Variants in BSN observed in about 807,000 individuals in gnomAD.
The protein encoded by BSN is bassoon presynaptic cytomatrix protein, also known as protein bassoon.
A neutral mutation model predicts 264.8 loss-of-function variants in BSN; 57 were observed. The ratio of observed to expected loss-of-function variants is 0.22; its 90% confidence interval spans 0.17 to 0.27. The LOEUF (loss-of-function observed/expected upper bound fraction) is 0.27, where lower values mean the gene tolerates loss of function less well. Among genes scored for constraint, BSN ranks in the 10% least tolerant of loss-of-function variants. The pLI, the probability that BSN is intolerant of heterozygous loss-of-function variation, is 1.00. For missense variants in BSN, 4,615 were observed against 5,232.5 expected (o/e 0.88, Z 3.64); for synonymous variants, 2,059 against 2,137.3 (o/e 0.96, Z 1.01).
chr3:49,570,104 A>G (rs570109332), intron 1 of BSN, among the ~76,000 whole-genome samples: 1 of 152,336 alleles, frequency 6.6e-6, no homozygotes, highest in East Asian at 1.9e-4. Context: ...ACAGACTGGA[A>G]TAGGACTTTC....
chr3:49,562,852 T>TG (rs1250461422), intron 1 of BSN, among the ~76,000 whole-genome samples: 1 of 152,168 alleles, frequency 6.6e-6, no homozygotes, highest in African/African-American at 2.4e-5. Flanking sequence ...GCATGCTGGC[T>TG]GGGGGTCAGA....
chr3:49,573,724 C>T (rs1345632364), intron 1 of BSN, among the ~76,000 whole-genome samples: 3 of 149,250 alleles, frequency 2.0e-5, no homozygotes, highest in African/African-American at 7.4e-5. Flanking sequence ...ATGGCGCAAT[C>T]TTGGCTCACC....
chr3:49,664,310 C>G (rs2052692288), intron 8 of BSN, 113 bp from the exon 9 acceptor site: 1 of 1,404,384 alleles, frequency 7.1e-7, no homozygotes, highest in East Asian at 2.3e-5. Context: ...CTCCTTCTCA[C>G]CTTCCCACCT....
chr3:49,575,781 C>T (rs1575427227), intron 1 of BSN, among the ~76,000 whole-genome samples: 3 of 151,460 alleles, frequency 2.0e-5, no homozygotes, highest in South Asian at 2.1e-4. Context: ...AGTCCATCTC[C>T]ACCTTGGGTC....
chr3:49,641,600 A>C (rs1410894842), intron 2 of BSN: 2 of 152,188 alleles, frequency 1.3e-5, no homozygotes, highest in African/African-American at 4.8e-5. Flanking sequence ...AAAAAATTCT[A>C]CTTAACATCA....
intron 2 of BSN, among the ~76,000 whole-genome samples, chr3:49,639,199 C>CTTTTTTTT (rs71631022): frequency 7.5e-6 from 1 of 133,872 alleles, no homozygotes; most frequent in Non-Finnish European, 1.6e-5. Context: ...CTTTCTTTTT[C>CTTTTTTTT]TTTTTTTTTT....
chr3:49,571,292 G>T (rs1470422749), intron 1 of BSN, among the ~76,000 whole-genome samples: 1 of 152,156 alleles, frequency 6.6e-6, no homozygotes, highest in Non-Finnish European at 1.5e-5. Context: ...GGACAGGGAA[G>T]AGGAGCCTGG....
Position 49,653,609 on chromosome 3 carries a change from G to T in BSN, c.4053G>T (p.Gln1351His). ...RVTQHFAKETQDPLKLHSSPA... is the reference protein window; with the variant it reads ...RVTQHFAKETHDPLKLHSSPA... The stretch of plus-strand genomic sequence containing the variant: ...CTCAGCATTTTGCAAAGGAGACTCA[G>T]GACCCCCTCAAGCTGCACAGCTCTC... Residue 1351 changes from glutamine (Q) to histidine (H), a missense_variant, in exon 5 of 12, where the codon CAG (glutamine) becomes CAT (histidine). Physicochemically the swap from Gln to His is conservative, Grantham distance 24. Transcript: ENST00000296452. This position sits in a 1 kb window ranked among gnomAD's most constrained non-coding sequence, Gnocchi z 6.3. 6.2e-7 allele frequency: 1 copy of T among 1,613,736 alleles called. No individual in the cohort carries two copies. The highest frequency in any genetic ancestry group is 2.2e-5 in the East Asian group (1 of 44,854).
chr3:49,656,715 C>G lies in BSN; in HGVS notation c.7159C>G (p.Gln2387Glu). Residue 2387 changes from glutamine to glutamate, a missense_variant, in exon 5 of 12, where the codon CAA (glutamine) becomes GAA (glutamate). Gln to Glu is a conservative substitution (Grantham distance 29, BLOSUM62 2). This residue lies in a region of BSN where 3,415 missense variants were observed against 3,866.4 expected (regional missense o/e 0.88). Coordinates refer to ENST00000296452, the MANE Select transcript of BSN (RefSeq NM_003458.4). ...RERVELEKLRQLRLQEELERE... is the reference protein window; with the variant it reads ...RERVELEKLRELRLQEELERE... ...GCGGGTGGAGTTGGAGAAGCTGCGA[C>G]AACTTCGGCTGCAAGAGGAGCTAGA... 1.3e-6 allele frequency: 2 copies of G among 1,579,908 alleles called. No homozygotes were observed. The highest frequency in any genetic ancestry group is 1.7e-6 in the Non-Finnish European group (2 of 1,162,422).
intron 3 of BSN, among the ~76,000 whole-genome samples, chr3:49,644,046 G>A (rs1262973883): frequency 6.6e-6 from 1 of 152,186 alleles, no homozygotes; most frequent in Non-Finnish European, 1.5e-5. Context: ...CCTCAGTCCT[G>A]TGGCCCACTC....
In BSN at chr3:49,576,406, TTTTTTTC is replaced by T. The variant is rs535594939; in HGVS notation, c.224+21601_224+21607del. Among the ~76,000 whole-genome samples, 493 of 151,942 alleles carry T rather than the reference TTTTTTTC, an allele frequency of 3.2e-3. 2 individuals carry two copies. Among genetic ancestry groups the T allele is most frequent in the Non-Finnish European group, 5.5e-3 (371 of 67,946 alleles). On this transcript the variant is annotated intron_variant, in intron 1 of 11. Transcript: ENST00000296452. ...TAAGAGGTGTGAATTCACTTTTCTT[TTTTTTTC>T]TTTTTTCTTTTTTCTTTTTTTTTTT...
chr3:49,633,309 A>G (rs1286304774), intron 2 of BSN, among the ~76,000 whole-genome samples: 1 of 151,878 alleles, frequency 6.6e-6, no homozygotes, highest in Non-Finnish European at 1.5e-5. Flanking sequence ...CTCAAAAAAA[A>G]AAAAAAGAAA....
At chr3:49,603,633 A>T (rs1247939763) in intron 1 of BSN, among the ~76,000 whole-genome samples, 1 of 152,160 alleles carries the variant, frequency 6.6e-6, no homozygotes, top group African/African-American at 2.4e-5. Flanking sequence ...CAAGGTGAGG[A>T]TCTCTGCAGT....
chr3:49,619,525 G>A (rs2052287937), intron 1 of BSN, among the ~76,000 whole-genome samples: 1 of 152,190 alleles, frequency 6.6e-6, no homozygotes, highest in Non-Finnish European at 1.5e-5. Context: ...GGCTTTGTAT[G>A]TTACTTAACT....
chr3:49,606,181 A>ATATTATATATG (rs2052141166), intron 1 of BSN, among the ~76,000 whole-genome samples: 1 of 6,806 alleles, frequency 1.5e-4, no homozygotes, highest in Non-Finnish European at 2.5e-4. Flanking sequence ...TTATATATGT[A>ATATTATATATG]TATATATTAT....
intron 1 of BSN, among the ~76,000 whole-genome samples, chr3:49,586,525 G>A (rs2051939452): frequency 6.6e-6 from 1 of 152,172 alleles, no homozygotes; most frequent in Non-Finnish European, 1.5e-5. Context: ...ATTTTCAGTA[G>A]AGACAGGGTT....
At chr3:49,635,390 G>C (rs1039814708) in intron 2 of BSN, among the ~76,000 whole-genome samples, 6 of 152,122 alleles carry the variant, frequency 3.9e-5, no homozygotes, top group Admixed American at 2.0e-4. Context: ...TATCTGAGCA[G>C]TAGTGGGGAG....
chr3:49,652,134 G>A lies in BSN; in HGVS notation c.2578G>A (p.Asp860Asn), dbSNP rs1000724066. 6 of 1,614,042 alleles carry A rather than the reference G, an allele frequency of 3.7e-6. No individual in the cohort carries two copies. The highest frequency in any genetic ancestry group is 5.1e-6 in the Non-Finnish European group (6 of 1,179,924). Residue 860 changes from aspartate to asparagine, a missense_variant, in exon 5 of 12, where the codon GAT (aspartate) becomes AAT (asparagine). Asp to Asn is a conservative substitution (Grantham distance 23). This residue lies in a region of BSN where 1,197 missense variants were observed against 1,348.0 expected (regional missense o/e 0.89). Coordinates refer to ENST00000296452, the MANE Select transcript of BSN (RefSeq NM_003458.4). ...MSAEEDNLEEDDTATSGRGLA... is the reference protein window; with the variant it reads ...MSAEEDNLEENDTATSGRGLA... ...CGCCGAGGAAGACAACCTGGAGGAG[G>A]ATGACACTGCCACCTCCGGGCGTGG... is the stretch of plus-strand genomic sequence containing the variant.
intron 1 of BSN, among the ~76,000 whole-genome samples, chr3:49,591,993 A>G (rs2051981096): frequency 1.3e-5 from 2 of 152,258 alleles, no homozygotes; most frequent in Non-Finnish European, 2.9e-5. Context: ...ATGATGAAAT[A>G]TCAACACATC....
Sources: allele counts gnomAD v4.1 joint callset (sites outside exome capture counted in the v4.1 genomes callset), GRCh38; gene constraint gnomAD v4.1.1; regional missense constraint gnomAD v4.1.1; non-coding constraint Gnocchi (gnomAD v3.1); transcripts MANE v1.5; gene names NCBI Gene and HGNC (gene_info 2026-07-23, HGNC 2026-07-21).